NDUFAF6: variants seen among roughly 807,000 people sequenced by gnomAD.
NDUFAF6 encodes NADH:ubiquinone oxidoreductase complex assembly factor 6, also known as NADH dehydrogenase (ubiquinone) complex I, assembly factor 6.
A neutral mutation model predicts 40.8 loss-of-function variants in NDUFAF6; 45 were observed. The observed-to-expected ratio is 1.10, with a 90% CI of 0.87 to 1.42. The LOEUF (loss-of-function observed/expected upper bound fraction) is 1.42. Among genes scored for constraint, NDUFAF6 ranks in the 40% most tolerant of loss-of-function variants. The pLI is 0.00. For missense variants in NDUFAF6, 435 were observed against 418.5 expected (o/e 1.04, Z -0.34); for synonymous variants, 185 against 155.9 (o/e 1.19, Z -1.39).
rs1821046334 is a variant in NDUFAF6, at chr8:94,937,030, G to GAC, written c.-935-8452_-935-8451insCA. The stretch of plus-strand genomic sequence containing the variant: ...TGGGGAGCTACAAAATGGGTCTTGA[G>GAC]AAGAAAAGACAGTCTCTGGAGTGGG... On this transcript the variant is annotated intron_variant, in intron 1 of 14. Coordinates refer to the NDUFAF6 transcript ENST00000396113. 2.6e-5 allele frequency among the ~76,000 whole-genome samples: 4 copies of GAC among 152,186 alleles called. No individual in the cohort carries two copies. The South Asian group carries it at 8.3e-4, about 32-fold the overall frequency.
intron 1 of NDUFAF6, among the ~76,000 whole-genome samples, chr8:94,964,428 CAAAAAAAAA>C (rs71569104): frequency 1.4e-5 from 1 of 69,010 alleles, no homozygotes; most frequent in Non-Finnish European, 2.7e-5. Context: ...GACCCTGTCT[CAAAAAAAAA>C]AAAAAAAAAA....
rs200620409 is a variant in NDUFAF6, at chr8:95,048,454, C to G, written c.715-3C>G. On this transcript the variant is annotated splice_polypyrimidine_tract_variant and splice_region_variant and intron_variant, in intron 6 of 8. Coordinates refer to ENST00000396124, the MANE Select transcript of NDUFAF6 (RefSeq NM_152416.4). Reference sequence around the variant, plus strand: ...CTAATATAATGTATATTTCCCCACACAGCATGGTGTTTCACAAGAGGACTT... The same window carrying G: ...CTAATATAATGTATATTTCCCCACAGAGCATGGTGTTTCACAAGAGGACTT... The G allele has an allele frequency of 6.2e-6, 10 of 1,606,898 alleles. No individual in the cohort carries two copies. The highest frequency in any genetic ancestry group is 7.7e-6 in the Non-Finnish European group (9 of 1,173,480).
chr8:94,901,039 G>T (rs1817982601), intron 1 of NDUFAF6, among the ~76,000 whole-genome samples: 1 of 152,198 alleles, frequency 6.6e-6, no homozygotes, highest in Non-Finnish European at 1.5e-5. Context: ...TAAGAGAACA[G>T]GAGGTGCTAT....
chr8:95,031,696 C>T (rs1828864160), intron 1 of NDUFAF6, among the ~76,000 whole-genome samples: 1 of 152,116 alleles, frequency 6.6e-6, no homozygotes, highest in Non-Finnish European at 1.5e-5. Context: ...ACCTCCTGGG[C>T]TTAAAGCAGT....
chr8:95,043,499 TTATC>T, intron 4 of NDUFAF6, among the ~76,000 whole-genome samples: 1 of 151,858 alleles, frequency 6.6e-6, no homozygotes, highest in Admixed American at 6.6e-5. Flanking sequence ...TAAGGGACAA[TTATC>T]TAAAATATGC....
chr8:95,035,798 A>G (rs1351741373), intron 3 of NDUFAF6, among the ~76,000 whole-genome samples: 1 of 152,258 alleles, frequency 6.6e-6, no homozygotes, highest in African/African-American at 2.4e-5. Context: ...GGAAAAAGGA[A>G]GAATTAGTCT....
downstream of NDUFAF6, among the ~76,000 whole-genome samples, chr8:95,104,294 G>T (rs577518940): frequency 6.6e-6 from 1 of 152,158 alleles, no homozygotes; most frequent in Non-Finnish European, 1.5e-5. Flanking sequence ...TCATTCTTCC[G>T]TGGAAATAAT....
At chr8:95,005,574 A>G (rs1243546982) in intron 2 of NDUFAF6, among the ~76,000 whole-genome samples, 1 of 138,058 alleles carries the variant, frequency 7.2e-6, no homozygotes, top group Non-Finnish European at 1.5e-5. Flanking sequence ...TAACATAAAT[A>G]ATATATTTAT....
chr8:94,899,494 ACTC>A (rs1391380015), intron 1 of NDUFAF6, among the ~76,000 whole-genome samples: 32 of 152,080 alleles, frequency 2.1e-4, no homozygotes, highest in South Asian at 2.1e-4. Flanking sequence ...CATACTATTA[ACTC>A]CTTCAATCTT....
At position 95,058,155 on chromosome 8, in the gene NDUFAF6, A is replaced by G. The variant is rs191422204; in HGVS notation, c.*218A>G. On this transcript the variant is annotated 3_prime_UTR_variant, in exon 9 of 9. Transcript: ENST00000396124. Reference sequence around the variant, plus strand: ...TGCCATTGGCACCCCTGGCCCAGACAGTGTCTGCTGTGCTGTCCCTGGAAG... The same window carrying G: ...TGCCATTGGCACCCCTGGCCCAGACGGTGTCTGCTGTGCTGTCCCTGGAAG... 2.0e-4 allele frequency: 292 copies of G among 1,441,968 alleles called. No individual in the cohort carries two copies. Among genetic ancestry groups the G allele is most frequent in the Middle Eastern group, 7.6e-4 (3 of 3,924 alleles). The allele number at this position is 1,441,968 out of a possible 1,614,324, so 89.3% of individuals were successfully genotyped here. A position where few individuals can be genotyped will look rare whatever the true frequency, so the allele number is the denominator to read the frequency against.
chr8:95,051,235 A>G (rs1001715094), intron 7 of NDUFAF6, among the ~76,000 whole-genome samples: 3 of 152,190 alleles, frequency 2.0e-5, no homozygotes, highest in Non-Finnish European at 2.9e-5. Flanking sequence ...TTTACAAGGT[A>G]AAAGGAGAAA....
At chr8:94,914,381 C>G (rs1175953180) in intron 1 of NDUFAF6, among the ~76,000 whole-genome samples, 2 of 152,130 alleles carry the variant, frequency 1.3e-5, no homozygotes, top group Non-Finnish European at 2.9e-5. Flanking sequence ...AAAGTACTTA[C>G]CTGGTTACTC....
intron 1 of NDUFAF6, among the ~76,000 whole-genome samples, chr8:94,938,152 C>T (rs1243399390): frequency 6.6e-6 from 1 of 152,166 alleles, no homozygotes; most frequent in Non-Finnish European, 1.5e-5. Flanking sequence ...GGTGAAGCTA[C>T]GTGTTTGCTA....
chr8:94,992,482 C>A (rs966352581), intron 2 of NDUFAF6, among the ~76,000 whole-genome samples: 4 of 151,420 alleles, frequency 2.6e-5, no homozygotes, highest in African/African-American at 4.9e-5. Flanking sequence ...GCAAGACTCC[C>A]GTCTCAAAAG....
intron 2 of NDUFAF6, among the ~76,000 whole-genome samples, chr8:95,091,236 G>C (rs1809240027): frequency 6.6e-6 from 1 of 152,070 alleles, no homozygotes; most frequent in Non-Finnish European, 1.5e-5. Context: ...GTTCCACATA[G>C]CTGGGAAGAC....
chr8:94,950,744 G>A (rs1482364226), intron 2 of NDUFAF6: 1 of 152,144 alleles, frequency 6.6e-6, no homozygotes, highest in East Asian at 1.9e-4. Flanking sequence ...TATGGTAGGA[G>A]CCCCATGATC....
downstream of NDUFAF6, among the ~76,000 whole-genome samples, chr8:95,063,454 G>A (rs577771699): frequency 2.6e-5 from 4 of 151,988 alleles, no homozygotes; most frequent in Non-Finnish European, 5.9e-5. Context: ...AAAATTATCC[G>A]GGCATGGTGG....
At chr8:95,082,746 G>A (rs1318258601) in intron 2 of NDUFAF6, among the ~76,000 whole-genome samples, 1 of 151,566 alleles carries the variant, frequency 6.6e-6, no homozygotes, top group African/African-American at 2.4e-5. Flanking sequence ...TGCAAGCTCC[G>A]CCTCCCGGGT....
intron 2 of NDUFAF6, among the ~76,000 whole-genome samples, chr8:94,987,299 C>T (rs1306059012): frequency 1.3e-5 from 2 of 152,210 alleles, no homozygotes; most frequent in Admixed American, 6.5e-5. Context: ...CACCCAACCC[C>T]CTCCAAAGCA....
Sources: gnomAD v4.1 joint callset for allele counts (sites outside exome capture counted in the v4.1 genomes callset) on GRCh38, gnomAD v4.1.1 for gene constraint, MANE v1.5 for transcripts, NCBI Gene and HGNC (gene_info 2026-07-23, HGNC 2026-07-21) for gene names.